TIMM50: variants seen among roughly 807,000 people sequenced by gnomAD.
The protein encoded by TIMM50 is translocase of inner mitochondrial membrane 50, also known as mitochondrial import inner membrane translocase subunit TIM50.
Under a neutral mutation model 49.6 loss-of-function variants are expected in TIMM50, and 34 were observed. The observed-to-expected ratio is 0.69, with a 90% CI of 0.52 to 0.91. The LOEUF (loss-of-function observed/expected upper bound fraction) is 0.91. Ranked by LOEUF, TIMM50 falls within the 40% of genes least tolerant of loss-of-function variation. The pLI is 0.00. For missense variants in TIMM50, 458 were observed against 477.8 expected, an observed-to-expected ratio of 0.96 and a Z score of 0.39; for synonymous variants, 199 against 198.4, an observed-to-expected ratio of 1.00 and a Z score of -0.03.
At position 39,485,537 on chromosome 19, in the gene TIMM50, C is replaced by T; in HGVS notation, c.314-7C>T. On this transcript the variant is annotated splice_polypyrimidine_tract_variant and splice_region_variant and intron_variant, in intron 4 of 10. Coordinates refer to ENST00000607714, the MANE Select transcript of TIMM50 (RefSeq NM_001001563.5). Reference sequence around the variant, plus strand: ...GTGGAATCTCTTTGTGCCTGGTGTTCTCCTAGATCCAATTCTGGTACAGCA... The same window carrying T: ...GTGGAATCTCTTTGTGCCTGGTGTTTTCCTAGATCCAATTCTGGTACAGCA... 1 of 1,614,064 alleles carries T rather than the reference C, an allele frequency of 6.2e-7. No homozygotes were observed. Among genetic ancestry groups the T allele is most frequent in the Non-Finnish European group, 8.5e-7 (1 of 1,179,998 alleles).
rs1464968010 is a variant in TIMM50, at chr19:39,493,480, A to C, written c.*3660A>C. ...ATATACACCCAGATGGCCTGAAGTA[A>C]CTGAAGAATCACAAAAGAAGTGAAA... is the stretch of plus-strand genomic sequence containing the variant. On this transcript the variant is annotated 3_prime_UTR_variant, in exon 11 of 11. Transcript: ENST00000607714. 1.4e-5 allele frequency: 2 copies of C among 138,130 alleles called. No individual in the cohort carries two copies. The highest frequency in any genetic ancestry group is 6.3e-5 in the African/African-American group (2 of 31,958). 8.6% of individuals were successfully genotyped at this position (138,130 alleles called of 1,614,324 possible). A position where few individuals can be genotyped will look rare whatever the true frequency, so the allele number is the denominator to read the frequency against.
Position 39,488,176 on chromosome 19 carries a change from C to T in TIMM50, c.812C>T (p.Ser271Phe). The stretch of plus-strand genomic sequence containing the variant: ...GCCCTGCGGCCCTGGGACGGCAACT[C>T]TGATGACCGGGTCTTGTTGGATCTG... ...GVALRPWDGN[S>F]DDRVLLDLSA... Residue 271 changes from serine (S) to phenylalanine (F), a missense_variant, in exon 9 of 11, where the codon TCT (serine) becomes TTT (phenylalanine). Ser to Phe is a radical substitution (Grantham distance 155). Transcript: ENST00000607714. The T allele has an allele frequency of 1.9e-6, 3 of 1,613,970 alleles. No individual in the cohort carries two copies. Among genetic ancestry groups the T allele is most frequent in the Admixed American group, 1.7e-5 (1 of 60,022 alleles).
Position 39,481,876 on chromosome 19 carries a change from A to G in TIMM50, c.109-7A>G, listed in dbSNP as rs572745419. The G allele has an allele frequency of 4.3e-6, 7 of 1,610,156 alleles. No homozygotes were observed. Among genetic ancestry groups the G allele is most frequent in the South Asian group, 3.3e-5 (3 of 91,002 alleles). On this transcript the variant is annotated splice_polypyrimidine_tract_variant and splice_region_variant and intron_variant, in intron 1 of 10. Coordinates refer to ENST00000607714, the MANE Select transcript of TIMM50 (RefSeq NM_001001563.5). ...CTCTTGGCTGACCTCCCCTTTCTCA[A>G]CCGCAGGCCGCAGAGATCGGGAGCC...
At chr19:39,481,763 G>C in intron 1 of TIMM50, 120 bp from the exon 2 acceptor site, 5 of 1,298,134 alleles carry the variant, frequency 3.9e-6, no homozygotes, top group Non-Finnish European at 5.3e-6. Context: ...GGACACAGAT[G>C]TCCAGGGCTC....
intron 4 of TIMM50, among the ~76,000 whole-genome samples, chr19:39,484,498 C>T (rs772377636): frequency 6.6e-6 from 1 of 152,056 alleles, no homozygotes; most frequent in Non-Finnish European, 1.5e-5. Flanking sequence ...ACGCTTTGGA[C>T]CAGATAATTA....
intron 10 of TIMM50, 53 bp downstream of exon 10, chr19:39,488,698 G>A: frequency 2.7e-6 from 4 of 1,455,934 alleles, no homozygotes; most frequent in Non-Finnish European, 3.9e-6. Context: ...TCCTGAAGGA[G>A]GAGCCTGGGG....
chr19:39,482,835 C>G, intron 2 of TIMM50, 50 bp from the exon 3 acceptor site: 2 of 1,613,038 alleles, frequency 1.2e-6, no homozygotes, highest in Non-Finnish European at 1.7e-6. Flanking sequence ...CCCTCGGGAC[C>G]CAGGGGACTG....
At position 39,486,976 on chromosome 19, in the gene TIMM50, G is replaced by C. The variant is rs560682764; in HGVS notation, c.696+481G>C. Among the ~76,000 whole-genome samples, 10 of 152,170 alleles carry C rather than the reference G, an allele frequency of 6.6e-5. No homozygotes were observed. In the South Asian group the frequency reaches 1.9e-3, roughly 28 times the overall value. ...TTCTGTCTGTGTCGTGTCGGGGTGGGGGTTCTGTGTTGCTCTTGGAAATTC... is the reference window on the plus strand; with the variant it reads ...TTCTGTCTGTGTCGTGTCGGGGTGGCGGTTCTGTGTTGCTCTTGGAAATTC... On this transcript the variant is annotated intron_variant, in intron 8 of 10. Coordinates refer to ENST00000607714, the MANE Select transcript of TIMM50 (RefSeq NM_001001563.5).
chr19:39,481,206 T>G, intron 1 of TIMM50: 2 of 545,878 alleles, frequency 3.7e-6, no homozygotes, highest in Non-Finnish European at 6.3e-6. Flanking sequence ...GGGGTTACCG[T>G]TCCCCGTTTC....
chr19:39,482,213 C>T (rs778392147), intron 2 of TIMM50, among the ~76,000 whole-genome samples, 180 bp downstream of exon 2: 19 of 152,140 alleles, frequency 1.2e-4, no homozygotes, highest in Non-Finnish European at 2.4e-4. Context: ...CTTCTCCCTT[C>T]CACTCCTTAA....
At position 39,490,677 on chromosome 19, in the gene TIMM50, A is replaced by G. The variant is rs537022373; in HGVS notation, c.*857A>G. 2.0e-5 allele frequency: 3 copies of G among 151,990 alleles called. No individual in the cohort carries two copies. The highest frequency in any genetic ancestry group is 2.1e-4 in the South Asian group (1 of 4,822). The allele number at this position is 151,990 out of a possible 1,614,324, so 9.4% of individuals were successfully genotyped here. A position where few individuals can be genotyped will look rare whatever the true frequency, so the allele number is the denominator to read the frequency against. ...AGCGCTAGGATTCCAGGTGTGAGCT[A>G]CTGTGCCCAGCTAAAATAGGGATTT... On this transcript the variant is annotated 3_prime_UTR_variant, in exon 11 of 11. Transcript: ENST00000607714.
Position 39,488,117 on chromosome 19 carries a change from G to C in TIMM50, c.753G>C (p.Lys251Asn). 3 of 1,613,932 alleles carry C rather than the reference G, an allele frequency of 1.9e-6. No homozygotes were observed. The highest frequency in any genetic ancestry group is 2.5e-6 in the Non-Finnish European group (3 of 1,179,826). Residue 251 changes from lysine to asparagine, a missense_variant, in exon 9 of 11, where the codon AAG becomes AAC. Coordinates refer to ENST00000607714, the MANE Select transcript of TIMM50 (RefSeq NM_001001563.5). ...GAGTAGTAGTTGTGGACTGCAAGAAGGAAGCCTTCCGCCTGCAGCCCTATA... is the reference window on the plus strand; with the variant it reads ...GAGTAGTAGTTGTGGACTGCAAGAACGAAGCCTTCCGCCTGCAGCCCTATA... ...PARVVVVDCKKEAFRLQPYNG... is the reference protein window; with the variant it reads ...PARVVVVDCKNEAFRLQPYNG...
chr19:39,480,929 T>C lies in TIMM50; in HGVS notation c.76T>C (p.Leu26=). Reference sequence around the variant, plus strand: ...CGGCTCGCGGGGACTGTGCACGAGGTTGGCGACGCCGCCCCGCCGGGCCCC... The same window carrying C: ...CGGCTCGCGGGGACTGTGCACGAGGCTGGCGACGCCGCCCCGCCGGGCCCC... ...RLGSRGLCTR[L]ATPPRRAPDQ... Residue 26 remains leucine, a synonymous_variant, in exon 1 of 11, where the codon TTG becomes CTG. Coordinates refer to ENST00000607714, the MANE Select transcript of TIMM50 (RefSeq NM_001001563.5). 2 of 1,585,528 alleles carry C rather than the reference T, an allele frequency of 1.3e-6. No homozygotes were observed. The highest frequency in any genetic ancestry group is 1.1e-5 in the South Asian group (1 of 89,522).
chr19:39,488,015 G>T (rs757528336), intron 8 of TIMM50, 46 bp from the exon 9 acceptor site: 2 of 1,575,372 alleles, frequency 1.3e-6, no homozygotes, highest in South Asian at 1.1e-5. Context: ...CTTGATGGGG[G>T]GAGAGTTGGG....
At chr19:39,482,473 C>T (rs1419385660) in intron 2 of TIMM50, among the ~76,000 whole-genome samples, 1 of 149,422 alleles carries the variant, frequency 6.7e-6, no homozygotes. Flanking sequence ...CTGGCTAACA[C>T]GGTGAAACCC....
At chr19:39,489,623 G>T (rs1468600407) in intron 10 of TIMM50, 96 bp from the exon 11 acceptor site, 10 of 1,172,396 alleles carry the variant, frequency 8.5e-6, no homozygotes, top group Admixed American at 2.5e-5. Flanking sequence ...AGAAGGAAAG[G>T]TGGTCCCTGG....
chr19:39,482,129 T>C, intron 2 of TIMM50, 96 bp downstream of exon 2: 1 of 1,477,496 alleles, frequency 6.8e-7, no homozygotes. Flanking sequence ...TTCTCTCGTC[T>C]TCATTCCCTG....
At position 39,480,925 on chromosome 19, in the gene TIMM50, G is replaced by T. The variant is rs527305052; in HGVS notation, c.72G>T (p.Thr24=). 5.0e-6 allele frequency: 8 copies of T among 1,588,202 alleles called. No homozygotes were observed. In the South Asian group the frequency reaches 8.9e-5, roughly 18 times the overall value. Residue 24 remains threonine (T), a synonymous_variant, in exon 1 of 11, where the codon ACG becomes ACT. Coordinates refer to ENST00000607714, the MANE Select transcript of TIMM50 (RefSeq NM_001001563.5). ...GLRLGSRGLC[T]RLATPPRRAP... is the part of the protein sequence containing the mutation. ...GGCTCGGCTCGCGGGGACTGTGCAC[G>T]AGGTTGGCGACGCCGCCCCGCCGGG...
In TIMM50 at chr19:39,490,607, C is replaced by G. The variant is rs2079538720; in HGVS notation, c.*787C>G. The G allele has an allele frequency of 6.6e-6, 1 of 152,016 alleles. No individual in the cohort carries two copies. Among genetic ancestry groups the G allele is most frequent in the South Asian group, 2.1e-4 (1 of 4,824 alleles). The allele number at this position is 152,016 out of a possible 1,614,324, so 9.4% of individuals were successfully genotyped here. A position where few individuals can be genotyped will look rare whatever the true frequency, so the allele number is the denominator to read the frequency against. On this transcript the variant is annotated 3_prime_UTR_variant, in exon 11 of 11. Transcript: ENST00000607714. ...ATGGGGTCTTGGTGCCCAAGCTGGT[C>G]TCAAACTCCTAGTCTTAAGCAATCT...
Sources: gnomAD v4.1 joint callset for allele counts (sites outside exome capture counted in the v4.1 genomes callset) on GRCh38, gnomAD v4.1.1 for gene constraint, MANE v1.5 for transcripts, NCBI Gene and HGNC (gene_info 2026-07-23, HGNC 2026-07-21) for gene names.